The following FGF13 variants were observed in gnomAD, a reference collection of about 807,000 sequenced individuals.
The protein encoded by FGF13 is fibroblast growth factor homologous factor 2.
In FGF13, 2 loss-of-function variants were observed where a neutral mutation model predicts 19.5. The ratio of observed to expected loss-of-function variants is 0.10; its 90% CI spans 0.04 to 0.32. The LOEUF is 0.32. FGF13 is among the 10% of genes least tolerant of loss of function. FGF13 has a pLI of 1.00. For synonymous variants in FGF13, 72 were observed against 76.9 expected (o/e 0.94, Z 0.33); for missense variants, 113 against 192.7 (o/e 0.59, Z 2.45).
intron 3 of FGF13, among the ~76,000 whole-genome samples, chrX:138,755,149 C>T (rs1045410582): frequency 2.7e-5 from 3 of 111,963 alleles, no homozygotes; most frequent in Non-Finnish European, 3.8e-5. Context: ...AACAAGTAGC[C>T]TCAGATTCAA....
intron 1 of FGF13, among the ~76,000 whole-genome samples, chrX:138,976,780 T>C (rs1409483893): frequency 9.0e-6 from 1 of 111,456 alleles, no homozygotes; most frequent in African/African-American, 3.3e-5. Context: ...GTTAGCATGA[T>C]AGATGGAATG....
intron 1 of FGF13, among the ~76,000 whole-genome samples, chrX:138,968,835 CA>C (rs1327685348): frequency 3.6e-5 from 4 of 111,503 alleles, no homozygotes; most frequent in African/African-American, 1.3e-4. Context: ...TATGTAAAGA[CA>C]AAAAAGTTGT....
chrX:138,712,347 G>A (rs1434843516), upstream of FGF13, among the ~76,000 whole-genome samples: 3 of 111,617 alleles, frequency 2.7e-5, no homozygotes, highest in Admixed American at 9.5e-5. Flanking sequence ...CCCCTCATCT[G>A]TCCGCTCAGA....
rs1367650332 is a variant in FGF13 at position 138,631,878 on chromosome X, T to TA, written c.*971dup. Reference sequence around the variant, plus strand: ...TATGTTGTTGAGGGAAAACCAGTCTTAACAATTCCTTGTACACAATATTCA... The same window carrying TA: ...TATGTTGTTGAGGGAAAACCAGTCTTAAACAATTCCTTGTACACAATATTCA... On this transcript the variant is annotated 3_prime_UTR_variant, in exon 5 of 5. Coordinates refer to ENST00000315930, the MANE Select transcript of FGF13 (RefSeq NM_004114.5). 8.9e-6 allele frequency: 1 copy of TA among 112,059 alleles called. No homozygotes were observed. Among genetic ancestry groups the TA allele is most frequent in the African/African-American group, 3.3e-5 (1 of 30,768 alleles). 9.2% of individuals were successfully genotyped at this position (112,059 alleles called of 1,213,427 possible). A position where few individuals can be genotyped will look rare whatever the true frequency, so the allele number is the denominator to read the frequency against.
intron 3 of FGF13, among the ~76,000 whole-genome samples, chrX:138,702,323 T>C (rs1198757804): frequency 8.9e-6 from 1 of 112,133 alleles, no homozygotes; most frequent in African/African-American, 3.2e-5. Context: ...TATATCTAAA[T>C]GTTAACTTTT....
At chrX:139,109,614 C>A (rs1001843147) in intron 1 of FGF13, among the ~76,000 whole-genome samples, 1 of 111,337 alleles carries the variant, frequency 9.0e-6, no homozygotes, top group Non-Finnish European at 1.9e-5. Context: ...CACAGACCAG[C>A]CATCACTTTT....
intron 1 of FGF13, among the ~76,000 whole-genome samples, chrX:139,010,343 GAATATA>G: frequency 9.0e-6 from 1 of 111,243 alleles, no homozygotes; most frequent in Non-Finnish European, 1.9e-5. Flanking sequence ...AACAACTGTA[GAATATA>G]CATTCCATTC....
intron 3 of FGF13, among the ~76,000 whole-genome samples, chrX:138,666,036 G>A (rs754283680): frequency 1.8e-5 from 2 of 111,311 alleles, no homozygotes; most frequent in South Asian, 7.5e-4. Context: ...CTATCACTAA[G>A]ATGTTTTCAT....
intron 1 of FGF13, among the ~76,000 whole-genome samples, chrX:139,101,843 G>A (rs985014231): frequency 1.8e-5 from 2 of 111,565 alleles, no homozygotes; most frequent in East Asian, 2.8e-4. Context: ...TAAGACCAGC[G>A]TCTACACTCT....
chrX:138,990,216 A>T (rs1257462887), intron 1 of FGF13, among the ~76,000 whole-genome samples: 1 of 111,356 alleles, frequency 9.0e-6, no homozygotes, highest in Non-Finnish European at 1.9e-5. Context: ...TAGTCTATAA[A>T]GGGTAAGATT....
chrX:139,176,606 GC>G, intron 1 of FGF13, among the ~76,000 whole-genome samples: 1 of 110,763 alleles, frequency 9.0e-6, no homozygotes, highest in Non-Finnish European at 1.9e-5. Flanking sequence ...CAGAGATTCT[GC>G]TGCATTGTGT....
intron 1 of FGF13, among the ~76,000 whole-genome samples, chrX:138,981,318 T>TACACACACACACACAAACACACACACAC (rs2091962554): frequency 1.0e-5 from 1 of 97,000 alleles, no homozygotes; most frequent in Non-Finnish European, 2.0e-5. Flanking sequence ...ATTGTGTGCT[T>TACACACACACACACAAACACACACACAC]ACACACACAC....
intron 1 of FGF13, among the ~76,000 whole-genome samples, chrX:139,030,631 G>A (rs769392743): frequency 2.7e-4 from 30 of 111,422 alleles, no homozygotes; most frequent in African/African-American, 9.4e-4. Flanking sequence ...CAAGTTTCTG[G>A]CACCTCAGCT....
At chrX:138,926,321 C>T (rs1446326014) in intron 1 of FGF13, among the ~76,000 whole-genome samples, 1 of 112,351 alleles carries the variant, frequency 8.9e-6, no homozygotes, top group Non-Finnish European at 1.9e-5. Context: ...CAGCATGACC[C>T]AAACAAAGAT....
chrX:138,916,716 C>A (rs1045774355), intron 1 of FGF13, among the ~76,000 whole-genome samples: 5 of 112,176 alleles, frequency 4.5e-5, no homozygotes, highest in Non-Finnish European at 9.4e-5. Flanking sequence ...GAGTACTGAT[C>A]ATATTTCAGT....
Position 138,978,266 on chromosome X carries a change from G to GTTTTTTTTTTTTTTTT in FGF13, c.-112-113617_-112-113616insAAAAAAAAAAAAAAAA, listed in dbSNP as rs10666140. On this transcript the variant is annotated intron_variant, in intron 1 of 2. Coordinates refer to the FGF13 transcript ENST00000421460. ...TAATCTCTATGGGCTAGCTGCCCTG[G>GTTTTTTTTTTTTTTTT]TTTTTTTTTTTTTTGAGATGGAGTC... 2.1e-3 allele frequency among the ~76,000 whole-genome samples: 177 copies of GTTTTTTTTTTTTTTTT among 82,865 alleles called. 13 individuals carry two copies. The highest frequency in any genetic ancestry group is 8.1e-3 in the African/African-American group (166 of 20,378). 72.0% of individuals were successfully genotyped at this position (82,865 alleles called of 115,157 possible).
chrX:138,676,778 C>T (rs1389793054), intron 3 of FGF13, among the ~76,000 whole-genome samples: 2 of 112,154 alleles, frequency 1.8e-5, no homozygotes, highest in Non-Finnish European at 3.8e-5. Flanking sequence ...TGACAGGAGG[C>T]GGAGCTCAGG....
chrX:139,153,347 GAAA>G (rs34314115), intron 1 of FGF13, among the ~76,000 whole-genome samples: 1,035 of 89,189 alleles, frequency 0.012, 15 homozygotes, highest in African/African-American at 0.039. Flanking sequence ...AAGAGATAAT[GAAA>G]AAAAAAAAAA....
intron 1 of FGF13, among the ~76,000 whole-genome samples, chrX:139,131,763 G>A (rs1238291433): frequency 1.8e-5 from 2 of 111,212 alleles, no homozygotes; most frequent in Admixed American, 9.6e-5. Flanking sequence ...AAAGATCAAC[G>A]TTGCTCTAGA....
Sources: gnomAD v4.1 joint callset for allele counts (sites outside exome capture counted in the v4.1 genomes callset) on GRCh38, gnomAD v4.1.1 for gene constraint, MANE v1.5 for transcripts, NCBI Gene and HGNC (gene_info 2026-07-23, HGNC 2026-07-21) for gene names.